Variants in SUCLA2 observed in about 807,000 individuals in gnomAD.
The protein encoded by SUCLA2 is succinate-CoA ligase ADP-forming subunit beta.
Under a neutral mutation model 54.8 loss-of-function variants are expected in SUCLA2, and 30 were observed. The ratio of observed to expected loss-of-function variants is 0.55; its 90% CI spans 0.41 to 0.74. The LOEUF is 0.74. Among genes scored for constraint, SUCLA2 ranks in the 30% least tolerant of loss-of-function variants. The probability of loss-of-function intolerance (pLI) is 0.00; values close to 1 mark genes in which losing one functional copy is unlikely to be tolerated. For missense variants in SUCLA2, 476 were observed against 562.9 expected, an observed-to-expected ratio of 0.85 and a Z score of 1.56; for synonymous variants, 172 against 188.9, an observed-to-expected ratio of 0.91 and a Z score of 0.74.
At chr13:47,946,580 G>GTT (rs750584966) in intron 10 of SUCLA2, among the ~76,000 whole-genome samples, 76 of 137,916 alleles carry the variant, frequency 5.5e-4, no homozygotes, top group South Asian at 1.6e-3. Flanking sequence ...AAAAGGTTGT[G>GTT]TTTTTTTTTT....
intron 10 of SUCLA2, chr13:47,945,886 C>G (rs1244061357): frequency 6.6e-6 from 1 of 152,256 alleles, no homozygotes; most frequent in Non-Finnish European, 1.5e-5. Flanking sequence ...CCAGCGTATC[C>G]ACGCTGTATA....
In SUCLA2 at chr13:47,968,495, T is replaced by TA. The variant is rs1004276870; in HGVS notation, c.802+99dup. 14 of 1,393,128 alleles carry TA rather than the reference T, an allele frequency of 1.0e-5. No homozygotes were observed. In the African/African-American group the frequency reaches 2.0e-4, roughly 20 times the overall value. 86.3% of individuals were successfully genotyped at this position (1,393,128 alleles called of 1,614,324 possible). ...TTTTTTTAAAAAGCTTCTACATAGG[T>TA]AGAAGTTTAACTACTTTAACTTCTA... On this transcript the variant is annotated intron_variant, in intron 6 of 10. Transcript: ENST00000646932.
Position 47,943,069 on chromosome 13 carries a change from A to G in SUCLA2, c.*302T>C. 1 of 363,906 alleles carries G rather than the reference A, an allele frequency of 2.7e-6. No homozygotes were observed. 22.5% of individuals were successfully genotyped at this position (363,906 alleles called of 1,614,324 possible). On this transcript the variant is annotated 3_prime_UTR_variant, in exon 11 of 11. Transcript: ENST00000646932. Reference sequence around the variant, plus strand: ...TTATCTTATTTATAGGACTCTTATCAATGAAGAACTTTGTATCCAACAATA... The same window carrying G: ...TTATCTTATTTATAGGACTCTTATCGATGAAGAACTTTGTATCCAACAATA...
intron 10 of SUCLA2, among the ~76,000 whole-genome samples, chr13:47,946,790 G>C (rs1949735693): frequency 6.6e-6 from 1 of 151,772 alleles, no homozygotes; most frequent in Non-Finnish European, 1.5e-5. Flanking sequence ...TCTGTACTAA[G>C]GGACAAAGCA....
chr13:47,980,246 C>T (rs1950050082), intron 4 of SUCLA2, among the ~76,000 whole-genome samples: 1 of 152,106 alleles, frequency 6.6e-6, no homozygotes, highest in Non-Finnish European at 1.5e-5. Context: ...GAAACTCCAT[C>T]TCCACTAAAA....
At chr13:47,987,415 G>T (rs1299565835) in intron 4 of SUCLA2, among the ~76,000 whole-genome samples, 1 of 152,064 alleles carries the variant, frequency 6.6e-6, no homozygotes, top group Non-Finnish European at 1.5e-5. Flanking sequence ...GAAAATAAGT[G>T]AATGTGTAAA....
intron 8 of SUCLA2, among the ~76,000 whole-genome samples, chr13:47,952,878 C>A (rs1176782988): frequency 6.6e-6 from 1 of 152,032 alleles, no homozygotes; most frequent in African/African-American, 2.4e-5. Context: ...ACATAATGGC[C>A]CTCTCTGGAT....
At chr13:47,947,272 A>T (rs1460473492) in intron 10 of SUCLA2, among the ~76,000 whole-genome samples, 1 of 132,542 alleles carries the variant, frequency 7.5e-6, no homozygotes, top group Non-Finnish European at 1.6e-5. Flanking sequence ...ACACACGCAC[A>T]ATACACACAC....
Position 47,943,021 on chromosome 13 carries a change from A to G in SUCLA2, c.*350T>C, listed in dbSNP as rs1179146862. 1 of 268,454 alleles carries G rather than the reference A, an allele frequency of 3.7e-6. No homozygotes were observed. The highest frequency in any genetic ancestry group is 5.0e-5 in the Admixed American group (1 of 19,856). 16.6% of individuals were successfully genotyped at this position (268,454 alleles called of 1,614,324 possible). ...TAGATATACTGTATTTTAACACTAA[A>G]GAATAAAGCTTTATCTTCGTATTTA... On this transcript the variant is annotated 3_prime_UTR_variant, in exon 11 of 11. Coordinates refer to ENST00000646932, the MANE Select transcript of SUCLA2 (RefSeq NM_003850.3).
At chr13:47,954,672 A>G in intron 6 of SUCLA2, 115 bp from the exon 7 acceptor site, 2 of 1,127,230 alleles carry the variant, frequency 1.8e-6, no homozygotes. Flanking sequence ...TTGTTACTTA[A>G]TGAAAATATT....
intron 2 of SUCLA2, among the ~76,000 whole-genome samples, chr13:47,992,063 T>G (rs888007478): frequency 4.6e-5 from 7 of 152,304 alleles, no homozygotes; most frequent in Admixed American, 1.3e-4. Context: ...AGTCCTGATT[T>G]TCCAGCACTT....
chr13:47,963,305 C>G (rs976220277), intron 6 of SUCLA2, among the ~76,000 whole-genome samples: 3 of 152,174 alleles, frequency 2.0e-5, no homozygotes, highest in Admixed American at 6.5e-5. Flanking sequence ...TTGAAGAACT[C>G]AAGTGGAATT....
At chr13:47,952,985 A>C (rs1299366255) in intron 8 of SUCLA2, among the ~76,000 whole-genome samples, 1 of 152,100 alleles carries the variant, frequency 6.6e-6, no homozygotes, top group Non-Finnish European at 1.5e-5. Context: ...TGATTCTCCC[A>C]GTTTTTGCCT....
At chr13:47,992,298 T>C (rs976181574) in intron 2 of SUCLA2, among the ~76,000 whole-genome samples, 2 of 151,324 alleles carry the variant, frequency 1.3e-5, no homozygotes, top group Non-Finnish European at 2.9e-5. Flanking sequence ...AAGTGTCAAT[T>C]TCCTTTCTTT....
Position 47,997,019 on chromosome 13 carries a change from A to G in SUCLA2, c.95T>C (p.Leu32Pro). 4 of 1,614,126 alleles carry G rather than the reference A, an allele frequency of 2.5e-6. No homozygotes were observed. The highest frequency in any genetic ancestry group is 3.4e-6 in the Non-Finnish European group (4 of 1,180,004). The change falls in exon 2 of 11, where the codon CTG (leucine) becomes CCG (proline). Residue 32 changes from leucine (L) to proline (P), a missense_variant. This residue lies in a region of SUCLA2 where 134 missense variants were observed against 118.7 expected (regional missense o/e 1.13). Transcript: ENST00000646932. ...RTAQRAAAQV[L>P]GSSGLFNNHG... ...GTTATTAAACAATCCAGAACTTCCC[A>G]GAACCTAGAAAGATTGGGGACATAT...
At chr13:48,000,612 C>G (rs1950222521) in intron 1 of SUCLA2, among the ~76,000 whole-genome samples, 1 of 152,194 alleles carries the variant, frequency 6.6e-6, no homozygotes, top group Non-Finnish European at 1.5e-5. Flanking sequence ...TCTTACCTCT[C>G]CAACTGGTTA....
intron 10 of SUCLA2, among the ~76,000 whole-genome samples, chr13:47,943,755 T>TGC (rs1949705267): frequency 7.8e-6 from 1 of 127,484 alleles, no homozygotes; most frequent in South Asian, 2.9e-4. Context: ...TGTGTGTGTG[T>TGC]GTGTGTGTGT....
chr13:47,953,999 T>C, intron 8 of SUCLA2, 141 bp downstream of exon 8: 2 of 745,866 alleles, frequency 2.7e-6, no homozygotes, highest in Non-Finnish European at 3.7e-6. Context: ...CTTCAAGATA[T>C]GATAGCAAAA....
chr13:47,948,487 A>G (rs181238390), intron 10 of SUCLA2, among the ~76,000 whole-genome samples: 1 of 152,124 alleles, frequency 6.6e-6, no homozygotes, highest in East Asian at 1.9e-4. Context: ...CCCAAAGGCT[A>G]CTCTGAACTC....
Sources: allele counts gnomAD v4.1 joint callset (sites outside exome capture counted in the v4.1 genomes callset), GRCh38; gene constraint gnomAD v4.1.1; regional missense constraint gnomAD v4.1.1; transcripts MANE v1.5; gene names NCBI Gene and HGNC (gene_info 2026-07-23, HGNC 2026-07-21).